The following SIRT5 variants were observed in gnomAD, a reference collection of about 807,000 sequenced individuals.
SIRT5 encodes the protein NAD-dependent protein deacylase sirtuin-5, mitochondrial.
SIRT5 carries 26 observed loss-of-function variants against 40.0 expected under a neutral mutation model. That is an observed-to-expected ratio of 0.65 (90% CI 0.48 to 0.90). The LOEUF (loss-of-function observed/expected upper bound fraction) is 0.90. SIRT5 is among the 40% of genes least tolerant of loss of function. The pLI, the probability that SIRT5 is intolerant of heterozygous loss-of-function variation, is 0.00. For missense variants in SIRT5, 401 were observed against 402.4 expected (o/e 1.00, Z 0.03); for synonymous variants, 146 against 149.1 (o/e 0.98, Z 0.15).
At chr6:13,587,083 A>T (rs112419588) in intron 3 of SIRT5, among the ~76,000 whole-genome samples, 2,360 of 152,112 alleles carry the variant, frequency 0.016, 64 homozygotes, top group African/African-American at 0.054. Context: ...CAGCTGAGGA[A>T]TTCAGCTCCA....
intron 9 of SIRT5, among the ~76,000 whole-genome samples, chr6:13,603,387 C>A (rs960863710): frequency 6.6e-6 from 1 of 151,156 alleles, no homozygotes; most frequent in African/African-American, 2.4e-5. Context: ...AGAACTCTTA[C>A]AACTATAAAT....
intron 7 of SIRT5, 56 bp from the exon 8 acceptor site, chr6:13,598,976 C>T: frequency 1.3e-6 from 2 of 1,596,182 alleles, no homozygotes; most frequent in Non-Finnish European, 1.7e-6. Context: ...TGGCCTCCCT[C>T]CGATCCAGCT....
chr6:13,598,838 A>AG (rs1187382303), intron 7 of SIRT5, among the ~76,000 whole-genome samples, 194 bp from the exon 8 acceptor site: 3 of 151,874 alleles, frequency 2.0e-5, no homozygotes, highest in African/African-American at 7.3e-5. Context: ...AAAAAAAAAA[A>AG]AAAAAAAAGA....
intron 9 of SIRT5, 100 bp downstream of exon 9, chr6:13,601,049 A>G (rs562731108): frequency 1.1e-6 from 1 of 876,728 alleles, no homozygotes; most frequent in African/African-American, 1.7e-5. Flanking sequence ...TAAAAAAGAC[A>G]TAGGGTTTGT....
upstream of SIRT5, chr6:13,574,396 G>A (rs182287639): frequency 6.6e-6 from 1 of 152,050 alleles, no homozygotes; most frequent in South Asian, 2.1e-4. Flanking sequence ...CTGCTCTCGC[G>A]GGACTGCGCG....
chr6:13,602,405 C>G (rs1318183896), intron 9 of SIRT5, among the ~76,000 whole-genome samples: 1 of 151,674 alleles, frequency 6.6e-6, no homozygotes, highest in African/African-American at 2.4e-5. Flanking sequence ...GAGGCTGAGG[C>G]AGGAGAATCG....
chr6:13,605,717 C>T, intron 9 of SIRT5: 1 of 985,458 alleles, frequency 1.0e-6, no homozygotes, highest in Non-Finnish European at 1.2e-6. Flanking sequence ...TTCCAATAAA[C>T]CCTAGGCATT....
intron 1 of SIRT5, among the ~76,000 whole-genome samples, chr6:13,578,007 A>G (rs1200695429): frequency 6.6e-6 from 1 of 152,116 alleles, no homozygotes; most frequent in Non-Finnish European, 1.5e-5. Context: ...GAGAGTTTTT[A>G]TTATGAAAAG....
At chr6:13,590,642 T>A (rs1021777604) in intron 4 of SIRT5, among the ~76,000 whole-genome samples, 1 of 152,142 alleles carries the variant, frequency 6.6e-6, no homozygotes, top group Non-Finnish European at 1.5e-5. Flanking sequence ...TGTGTATGTT[T>A]AGTTGTGTGT....
chr6:13,614,563 G>C lies in SIRT5; in HGVS notation c.*2698G>C, dbSNP rs1048789387. The C allele has an allele frequency of 7.9e-5, 12 of 152,248 alleles. No homozygotes were observed. The highest frequency in any genetic ancestry group is 7.2e-4 in the Admixed American group (11 of 15,280). 9.4% of individuals were successfully genotyped at this position (152,248 alleles called of 1,614,324 possible). A position where few individuals can be genotyped will look rare whatever the true frequency, so the allele number is the denominator to read the frequency against. On this transcript the variant is annotated 3_prime_UTR_variant, in exon 10 of 10. Coordinates refer to ENST00000606117, the MANE Select transcript of SIRT5 (RefSeq NM_012241.5). The stretch of plus-strand genomic sequence containing the variant: ...TAAAATATACTTGGAAAAAAAGTAC[G>C]TATGTGTATATACCACAAAACTCGG...
intron 1 of SIRT5, among the ~76,000 whole-genome samples, chr6:13,575,443 C>G (rs1758486719): frequency 2.0e-5 from 3 of 152,082 alleles, no homozygotes. Flanking sequence ...TTATTTAGCT[C>G]TTAGGCGTTC....
chr6:13,591,728 C>A lies in SIRT5; in HGVS notation c.309C>A (p.His103Gln). The A allele has an allele frequency of 6.2e-7, 1 of 1,611,170 alleles. No individual in the cohort carries two copies. Among genetic ancestry groups the A allele is most frequent in the Non-Finnish European group, 8.5e-7 (1 of 1,177,794 alleles). ...HNPSRVWEFY[H>Q]YRREVMGSKE... ...CGTCCCGGGTGTGGGAGTTCTACCACTACCGGCGGGAGGTCATGGGGAGCA... is the reference window on the plus strand; with the variant it reads ...CGTCCCGGGTGTGGGAGTTCTACCAATACCGGCGGGAGGTCATGGGGAGCA... Residue 103 changes from histidine (H) to glutamine (Q), a missense_variant, in exon 5 of 10, where the codon CAC becomes CAA. Coordinates refer to ENST00000606117, the MANE Select transcript of SIRT5 (RefSeq NM_012241.5).
intron 7 of SIRT5, 46 bp downstream of exon 7, chr6:13,597,062 AC>A: frequency 2.1e-6 from 3 of 1,456,626 alleles, no homozygotes; most frequent in African/African-American, 1.4e-5. Flanking sequence ...GGTTACCAAA[AC>A]AAAAAAAAAA....
chr6:13,611,980 T>G lies in SIRT5; in HGVS notation c.*115T>G. The G allele has an allele frequency of 6.4e-6, 6 of 935,240 alleles. No individual in the cohort carries two copies. The highest frequency in any genetic ancestry group is 2.5e-5 in the East Asian group (1 of 39,884). 57.9% of individuals were successfully genotyped at this position (935,240 alleles called of 1,614,324 possible). On this transcript the variant is annotated 3_prime_UTR_variant, in exon 10 of 10. Coordinates refer to ENST00000606117, the MANE Select transcript of SIRT5 (RefSeq NM_012241.5). ...TGAACAATCTAAAAATAGCCTCTGA[T>G]TCCCTCGCTGGAATCCAACCTGTTG...
intron 3 of SIRT5, among the ~76,000 whole-genome samples, chr6:13,587,269 C>T (rs1420201009): frequency 1.3e-5 from 2 of 152,142 alleles, no homozygotes; most frequent in East Asian, 1.9e-4. Flanking sequence ...CTCCTGGCAG[C>T]GTATGTTCAG....
intron 7 of SIRT5, 75 bp from the exon 8 acceptor site, chr6:13,598,957 G>A (rs980702393): frequency 1.9e-6 from 3 of 1,568,688 alleles, no homozygotes; most frequent in Admixed American, 3.5e-5. Context: ...CTAGGTTTGG[G>A]GCAGCCCCTG....
chr6:13,596,585 C>T (rs759181486), intron 6 of SIRT5, among the ~76,000 whole-genome samples: 5 of 152,096 alleles, frequency 3.3e-5, no homozygotes, highest in Non-Finnish European at 5.9e-5. Context: ...CTCCTGGGCT[C>T]GAGCAATCCT....
At chr6:13,582,108 T>G (rs1368363286) in intron 2 of SIRT5, among the ~76,000 whole-genome samples, 1 of 152,202 alleles carries the variant, frequency 6.6e-6, no homozygotes, top group Non-Finnish European at 1.5e-5. Flanking sequence ...GCGTGTTCTA[T>G]CTCTCGCAAC....
intron 5 of SIRT5, among the ~76,000 whole-genome samples, chr6:13,595,261 C>T (rs1488388850): frequency 6.6e-6 from 1 of 152,196 alleles, no homozygotes; most frequent in Non-Finnish European, 1.5e-5. Flanking sequence ...ATAGTCCCAG[C>T]TGCTCAGGAG....
Sources: gnomAD v4.1 joint callset for allele counts (sites outside exome capture counted in the v4.1 genomes callset) on GRCh38, gnomAD v4.1.1 for gene constraint, MANE v1.5 for transcripts, NCBI Gene and HGNC (gene_info 2026-07-23, HGNC 2026-07-21) for gene names.